OTUD7A: variants seen among roughly 807,000 people sequenced by gnomAD.
OTUD7A encodes the protein OTU deubiquitinase 7A, also known as OTU domain-containing protein 7A.
A neutral mutation model predicts 65.7 loss-of-function variants in OTUD7A; 12 were observed. That is an observed-to-expected ratio of 0.18 (90% confidence interval 0.12 to 0.30). The LOEUF (loss-of-function observed/expected upper bound fraction) is 0.30, where lower values mean the gene tolerates loss of function less well. Among genes scored for constraint, OTUD7A ranks in the 10% least tolerant of loss-of-function variants. OTUD7A has a pLI of 1.00. For synonymous variants in OTUD7A, 641 were observed against 586.3 expected (o/e 1.09, Z -1.35); for missense variants, 1,148 against 1,304.8 (o/e 0.88, Z 1.85).
intron 1 of OTUD7A, among the ~76,000 whole-genome samples, chr15:31,668,743 A>G (rs1892396786): frequency 1.3e-5 from 2 of 152,160 alleles, no homozygotes; most frequent in African/African-American, 2.4e-5. Context: ...TCATCTTAGC[A>G]GGGTTGGTTT....
intron 1 of OTUD7A, among the ~76,000 whole-genome samples, chr15:31,802,373 T>C (rs1235209295): frequency 6.6e-6 from 1 of 152,092 alleles, no homozygotes; most frequent in Admixed American, 6.6e-5. Context: ...GCTTATATTC[T>C]AGCCACACTG....
At chr15:31,570,668 G>A (rs1889023941) in intron 3 of OTUD7A, among the ~76,000 whole-genome samples, 2 of 152,342 alleles carry the variant, frequency 1.3e-5, no homozygotes, top group South Asian at 4.1e-4. Flanking sequence ...CGAAGCAGAA[G>A]CTTGGGAGGG....
intron 5 of OTUD7A, chr15:31,558,577 A>T (rs1888575771): frequency 4.3e-6 from 1 of 233,926 alleles, no homozygotes; most frequent in African/African-American, 2.2e-5. Flanking sequence ...GACTTGCCCA[A>T]GTCCACAGGA....
At chr15:31,792,380 T>A (rs544357372) in intron 1 of OTUD7A, among the ~76,000 whole-genome samples, 17 of 152,182 alleles carry the variant, frequency 1.1e-4, no homozygotes, top group African/African-American at 4.1e-4. Flanking sequence ...CCAAAACCCA[T>A]ACTCCATGGC....
chr15:31,637,925 C>T lies in OTUD7A; in HGVS notation c.151+17171G>A, dbSNP rs569883128. ...TGGTTTCTTGAGATGGAATCTGCTC[C>T]TGGTAAAGATGCTGTGAACACTGCT... On this transcript the variant is annotated intron_variant, in intron 3 of 12. Coordinates refer to ENST00000307050, the MANE Select transcript of OTUD7A (RefSeq NM_001382637.1). Among the ~76,000 whole-genome samples, 6 of 152,320 alleles carry T rather than the reference C, an allele frequency of 3.9e-5. No individual in the cohort carries two copies. In the South Asian group the frequency reaches 1.2e-3, roughly 32 times the overall value.
intron 3 of OTUD7A, among the ~76,000 whole-genome samples, chr15:31,604,922 C>G (rs1305270221): frequency 6.6e-6 from 1 of 152,192 alleles, no homozygotes; most frequent in Non-Finnish European, 1.5e-5. Context: ...CCGGGTCTAA[C>G]TGAGCCACCA....
At chr15:31,777,305 C>T (rs1716735398) in intron 1 of OTUD7A, among the ~76,000 whole-genome samples, 1 of 152,210 alleles carries the variant, frequency 6.6e-6, no homozygotes, top group Non-Finnish European at 1.5e-5. Context: ...CTTCCCAATC[C>T]CATCACCTTG....
At chr15:31,769,891 A>G (rs1381734026) in intron 1 of OTUD7A, among the ~76,000 whole-genome samples, 3 of 152,246 alleles carry the variant, frequency 2.0e-5, no homozygotes, top group Non-Finnish European at 2.9e-5. Context: ...TGATTGTGAT[A>G]GTGGTTAAAT....
intron 8 of OTUD7A, among the ~76,000 whole-genome samples, chr15:31,504,493 T>C (rs1217603602): frequency 6.6e-6 from 1 of 152,158 alleles, no homozygotes; most frequent in Non-Finnish European, 1.5e-5. Context: ...GGGCAGAAGG[T>C]GGCAGCCTCG....
At chr15:31,612,552 C>A (rs1890460160) in intron 3 of OTUD7A, among the ~76,000 whole-genome samples, 1 of 151,642 alleles carries the variant, frequency 6.6e-6, no homozygotes, top group Non-Finnish European at 1.5e-5. Context: ...ACAATAGCTG[C>A]AAAAAAATAA....
At chr15:31,655,613 G>A (rs1008201324) in intron 2 of OTUD7A, among the ~76,000 whole-genome samples, 1 of 152,128 alleles carries the variant, frequency 6.6e-6, no homozygotes, top group Non-Finnish European at 1.5e-5. Context: ...AAATCTGCTG[G>A]TTCCCTGATC....
At chr15:31,667,114 A>G (rs1892342313) in intron 1 of OTUD7A, among the ~76,000 whole-genome samples, 1 of 152,210 alleles carries the variant, frequency 6.6e-6, no homozygotes, top group Admixed American at 6.5e-5. Context: ...TGGTTGTCGG[A>G]TGAAATGTTC....
intron 3 of OTUD7A, among the ~76,000 whole-genome samples, chr15:31,651,780 T>C (rs1462516883): frequency 1.3e-5 from 2 of 151,896 alleles, no homozygotes; most frequent in Non-Finnish European, 2.9e-5. Flanking sequence ...CCAATACACA[T>C]AGAACAAAAC....
intron 3 of OTUD7A, among the ~76,000 whole-genome samples, chr15:31,609,196 A>G (rs540356900): frequency 1.2e-4 from 18 of 152,266 alleles, no homozygotes; most frequent in Admixed American, 3.3e-4. Flanking sequence ...CTTTTTAACA[A>G]TTTGAACTGG....
At chr15:31,646,680 C>T (rs7495878) in intron 3 of OTUD7A, among the ~76,000 whole-genome samples, 61,773 of 151,738 alleles carry the variant, frequency 0.41, 13,526 homozygotes, top group East Asian at 0.89. Flanking sequence ...AGGCTGGCCT[C>T]GAACTCCTGA....
intron 1 of OTUD7A, among the ~76,000 whole-genome samples, chr15:31,696,842 G>A (rs907723914): frequency 2.0e-5 from 3 of 150,346 alleles, no homozygotes; most frequent in African/African-American, 7.3e-5. Flanking sequence ...GGAAAATAGA[G>A]GAGGAGTGGG....
At position 31,481,063 on chromosome 15, in the gene OTUD7A, A is replaced by AT. The variant is rs2041110621; in HGVS notation, c.*2230dup. 1 of 152,146 alleles carries AT rather than the reference A, an allele frequency of 6.6e-6. No homozygotes were observed. The highest frequency in any genetic ancestry group is 6.5e-5 in the Admixed American group (1 of 15,278). 9.4% of individuals were successfully genotyped at this position (152,146 alleles called of 1,614,324 possible). A position where few individuals can be genotyped will look rare whatever the true frequency, so the allele number is the denominator to read the frequency against. On this transcript the variant is annotated 3_prime_UTR_variant, in exon 13 of 13. Transcript: ENST00000307050. ...CAATGGACGGTTTTTATTCTGTTTT[A>AT]TTTTTTTATTTTTTAAATTAGACAA...
At position 31,483,569 on chromosome 15, in the gene OTUD7A, C is replaced by T. The variant is rs922089228; in HGVS notation, c.2527G>A (p.Gly843Ser). The change falls in exon 13 of 13, where the codon GGC becomes AGC. Residue 843 changes from glycine (G) to serine (S), a missense_variant. By Grantham distance (56) the Gly-to-Ser change is moderately conservative. Around this residue, in one of 6 missense-constraint regions of OTUD7A, gnomAD observed 842 missense variants for 769.5 expected, o/e 1.09. Transcript: ENST00000307050. ...LARAVPGALPGAAGTAGAAEH... is the reference protein window; with the variant it reads ...LARAVPGALPSAAGTAGAAEH... ...GCCGCCCCCGCCGTCCCCGCCGCGC[C>T]CGGTAGGGCCCCGGGCACCGCGCGC... 5 of 1,291,366 alleles carry T rather than the reference C, an allele frequency of 3.9e-6. No homozygotes were observed. The highest frequency in any genetic ancestry group is 3.9e-6 in the Non-Finnish European group (4 of 1,019,268). 80.0% of individuals were successfully genotyped at this position (1,291,366 alleles called of 1,614,324 possible). A position where few individuals can be genotyped will look rare whatever the true frequency, so the allele number is the denominator to read the frequency against.
chr15:31,484,028 CAGCGGCGGCCGCAGT>C lies in OTUD7A; in HGVS notation c.2053_2067del (p.Thr685_Ala689del). 8.1e-7 allele frequency: 1 copy of C among 1,239,854 alleles called. No individual in the cohort carries two copies. Among genetic ancestry groups the C allele is most frequent in the East Asian group, 3.2e-5 (1 of 31,298 alleles). 76.8% of individuals were successfully genotyped at this position (1,239,854 alleles called of 1,614,324 possible). A position where few individuals can be genotyped will look rare whatever the true frequency, so the allele number is the denominator to read the frequency against. On this transcript the variant is annotated inframe_deletion, in exon 13 of 13. Coordinates refer to ENST00000307050, the MANE Select transcript of OTUD7A (RefSeq NM_001382637.1). This position sits in a 1 kb window ranked among gnomAD's most constrained non-coding sequence, Gnocchi z 4.5. Reference sequence around the variant, plus strand: ...GCCGTGGCGGCGGCGGCGGCGGCGGCAGCGGCGGCCGCAGTAGCGGCGTCGCGGCGCCGCTGCTCC... The same window carrying C: ...GCCGTGGCGGCGGCGGCGGCGGCGGCAGCGGCGTCGCGGCGCCGCTGCTCC...
Sources: gnomAD v4.1 joint callset for allele counts (sites outside exome capture counted in the v4.1 genomes callset) on GRCh38, gnomAD v4.1.1 for gene constraint, gnomAD v4.1.1 regional missense constraint, Gnocchi (gnomAD v3.1) non-coding constraint, MANE v1.5 for transcripts, NCBI Gene and HGNC (gene_info 2026-07-23, HGNC 2026-07-21) for gene names.